Variants in CRACDL observed in about 807,000 individuals in gnomAD.
The protein encoded by CRACDL is CRACD-like protein.
A neutral mutation model predicts 70.6 loss-of-function variants in CRACDL; 26 were observed. That is an observed-to-expected ratio of 0.37 (90% confidence interval 0.27 to 0.51). The LOEUF (loss-of-function observed/expected upper bound fraction) is 0.51. Among genes scored for constraint, CRACDL ranks in the 20% least tolerant of loss-of-function variants. CRACDL has a pLI of 0.94. For missense variants in CRACDL, 1,283 were observed against 1,376.9 expected, an observed-to-expected ratio of 0.93 and a Z score of 1.08; for synonymous variants, 618 against 615.2, an observed-to-expected ratio of 1.00 and a Z score of -0.07.
chr2:98,864,545 A>AC (rs1219246058), intron 1 of CRACDL, among the ~76,000 whole-genome samples: 2 of 146,252 alleles, frequency 1.4e-5, no homozygotes, highest in Non-Finnish European at 3.0e-5. Flanking sequence ...CATTGATTGT[A>AC]CCCTTTTTTT....
At chr2:98,874,364 T>G (rs2104603393) in intron 1 of CRACDL, among the ~76,000 whole-genome samples, 1 of 152,338 alleles carries the variant, frequency 6.6e-6, no homozygotes, top group African/African-American at 2.4e-5. Flanking sequence ...TGATGGTTTC[T>G]CACAGTTCCT....
intron 1 of CRACDL, among the ~76,000 whole-genome samples, chr2:98,850,812 C>A (rs950413696): frequency 2.0e-5 from 3 of 152,172 alleles, no homozygotes; most frequent in African/African-American, 7.2e-5. Flanking sequence ...TGGGGGCCGC[C>A]CCACTCCCTC....
chr2:98,870,333 A>G (rs1046550992), intron 1 of CRACDL, among the ~76,000 whole-genome samples: 2 of 152,244 alleles, frequency 1.3e-5, no homozygotes, highest in East Asian at 1.9e-4. Flanking sequence ...TGGCAACTGT[A>G]TATAGAATTC....
At chr2:98,899,225 G>A (rs920099513) in intron 1 of CRACDL, among the ~76,000 whole-genome samples, 4 of 152,200 alleles carry the variant, frequency 2.6e-5, no homozygotes, top group African/African-American at 7.2e-5. Context: ...CCACTCCTCT[G>A]CCAGCCTGCG....
chr2:98,825,352 G>A (rs538995720), intron 6 of CRACDL, among the ~76,000 whole-genome samples: 145 of 152,354 alleles, frequency 9.5e-4, no homozygotes, highest in Non-Finnish European at 1.9e-3. Flanking sequence ...GTTTGCCCAG[G>A]CTGGCTACAT....
intron 1 of CRACDL, among the ~76,000 whole-genome samples, chr2:98,911,768 G>A (rs1708553035): frequency 1.3e-5 from 2 of 152,076 alleles, no homozygotes; most frequent in African/African-American, 4.8e-5. Context: ...CCGAGAACCT[G>A]AGGGTGTTTT....
chr2:98,872,223 T>A (rs548262784), intron 1 of CRACDL, among the ~76,000 whole-genome samples: 19 of 152,278 alleles, frequency 1.2e-4, no homozygotes, highest in African/African-American at 4.1e-4. Context: ...CCGGGCGTGG[T>A]GGCACATGCC....
chr2:98,795,077 A>ATATATATTTTTTTTTTT, intron 9 of CRACDL, among the ~76,000 whole-genome samples: 14 of 58,488 alleles, frequency 2.4e-4, no homozygotes, highest in Admixed American at 4.4e-4. Context: ...ATATATATAT[A>ATATATATTTTTTTTTTT]TTTTTTTTTT....
At chr2:98,885,207 G>A (rs1207274350) in intron 1 of CRACDL, among the ~76,000 whole-genome samples, 1 of 152,158 alleles carries the variant, frequency 6.6e-6, no homozygotes, top group African/African-American at 2.4e-5. Flanking sequence ...TGCTGCTGGG[G>A]CCAATTCCTC....
chr2:98,866,391 T>G (rs775177760), intron 1 of CRACDL, among the ~76,000 whole-genome samples: 16 of 151,734 alleles, frequency 1.1e-4, no homozygotes, highest in Admixed American at 2.6e-4. Flanking sequence ...TCAATAAATA[T>G]TGTTAAATGA....
chr2:98,857,148 C>T (rs529709099), intron 1 of CRACDL, among the ~76,000 whole-genome samples: 2 of 152,254 alleles, frequency 1.3e-5, no homozygotes, highest in African/African-American at 4.8e-5. Flanking sequence ...TGGAATGATC[C>T]TTAAACACCC....
chr2:98,837,192 T>C (rs995838129), intron 3 of CRACDL, among the ~76,000 whole-genome samples: 2 of 110,144 alleles, frequency 1.8e-5, no homozygotes. Context: ...AAAACCTAAA[T>C]CAAACCCAAA....
At chr2:98,869,203 T>C in intron 1 of CRACDL, 5 of 1,303,850 alleles carry the variant, frequency 3.8e-6, no homozygotes, top group Non-Finnish European at 5.1e-6. Flanking sequence ...TTCCTCTGAG[T>C]GGCCTAGGGC....
intron 1 of CRACDL, among the ~76,000 whole-genome samples, chr2:98,891,985 C>T (rs1208574269): frequency 6.6e-6 from 1 of 152,108 alleles, no homozygotes; most frequent in Non-Finnish European, 1.5e-5. Context: ...GGCAATCCTA[C>T]TGAAAACTAA....
intron 1 of CRACDL, among the ~76,000 whole-genome samples, chr2:98,888,851 C>A (rs890969328): frequency 1.3e-5 from 2 of 152,004 alleles, no homozygotes; most frequent in South Asian, 4.1e-4. Flanking sequence ...GTAACCAAGC[C>A]GGGCGCAGTG....
At chr2:98,874,323 G>A (rs188391403) in intron 1 of CRACDL, among the ~76,000 whole-genome samples, 2 of 152,336 alleles carry the variant, frequency 1.3e-5, no homozygotes, top group African/African-American at 4.8e-5. Context: ...ATCGAAACAG[G>A]AAACCGCAGC....
chr2:98,822,342 G>C lies in CRACDL; in HGVS notation c.1931C>G (p.Ala644Gly), dbSNP rs772666598. 3.4e-6 allele frequency: 5 copies of C among 1,459,688 alleles called. No individual in the cohort carries two copies. In the South Asian group the frequency reaches 5.5e-5, roughly 16 times the overall value. 90.4% of individuals were successfully genotyped at this position (1,459,688 alleles called of 1,614,324 possible). The part of the protein sequence containing the change: ...ERGPQDSGDR[A>G]ASPAGPRKSP... ...CTTGCGCGGCCCGGCCGGGCTGGCC[G>C]CCCTGTCCCCCGAGTCCTGAGGGCC... The change falls in exon 7 of 10, where the codon GCG becomes GGG. Residue 644 changes from alanine to glycine, a missense_variant. Physicochemically the swap from Ala to Gly is moderately conservative, Grantham distance 60. Around this residue, in one of 2 missense-constraint regions of CRACDL, gnomAD observed 921 missense variants for 881.9 expected, o/e 1.04. Coordinates refer to ENST00000397899, the MANE Select transcript of CRACDL (RefSeq NM_207362.3). This position sits in a 1 kb window ranked among gnomAD's most constrained non-coding sequence, Gnocchi z 4.9.
rs778127726 is a variant in CRACDL at position 98,822,208 on chromosome 2, T to A, written c.2065A>T (p.Thr689Ser). Residue 689 changes from threonine (T) to serine (S), a missense_variant, in exon 7 of 10, where the codon ACC (threonine) becomes TCC (serine). Transcript: ENST00000397899. The surrounding 1 kb of genome is among the most constrained non-coding windows in gnomAD (Gnocchi z 4.9). The part of the protein sequence containing the change: ...RNPFPVKLRS[T>S]SLSLKYRDGA... ...TCCCTGTATTTGAGCGAGAGGGAGG[T>A]GGACCGGAGCTTGACGGGGAAGGGG... The A allele has an allele frequency of 1.6e-5, 26 of 1,609,586 alleles. No homozygotes were observed. The highest frequency in any genetic ancestry group is 2.1e-5 in the Non-Finnish European group (25 of 1,179,208).
chr2:98,856,964 G>A (rs1420854435), intron 1 of CRACDL, among the ~76,000 whole-genome samples: 2 of 152,148 alleles, frequency 1.3e-5, no homozygotes, highest in Admixed American at 6.6e-5. Context: ...CTTGCCCAGG[G>A]ATCCACACTG....
Sources: gnomAD v4.1 joint callset for allele counts (sites outside exome capture counted in the v4.1 genomes callset) on GRCh38, gnomAD v4.1.1 for gene constraint, gnomAD v4.1.1 regional missense constraint, Gnocchi (gnomAD v3.1) non-coding constraint, MANE v1.5 for transcripts, NCBI Gene and HGNC (gene_info 2026-07-23, HGNC 2026-07-21) for gene names.